GRAMD4: variants seen among roughly 807,000 people sequenced by gnomAD.
The protein encoded by GRAMD4 is GRAM domain-containing protein 4.
Under a neutral mutation model 83.9 loss-of-function variants are expected in GRAMD4, and 25 were observed. That is an observed-to-expected ratio of 0.30 (90% confidence interval 0.22 to 0.42). The LOEUF (loss-of-function observed/expected upper bound fraction) is 0.42. GRAMD4 is among the 10% of genes least tolerant of loss of function. The probability of loss-of-function intolerance (pLI) is 1.00; values close to 1 mark genes in which losing one functional copy is unlikely to be tolerated. For synonymous variants in GRAMD4, 336 were observed against 320.9 expected (o/e 1.05, Z -0.50); for missense variants, 593 against 788.7 (o/e 0.75, Z 2.97).
At chr22:46,627,559 GGGGGT>G in intron 2 of GRAMD4, among the ~76,000 whole-genome samples, 1 of 152,328 alleles carries the variant, frequency 6.6e-6, no homozygotes, top group Non-Finnish European at 1.5e-5. Flanking sequence ...GCATTTGGTG[GGGGGT>G]GGGGCAGGGC....
intron 1 of GRAMD4, among the ~76,000 whole-genome samples, chr22:46,626,118 G>A (rs2081654810): frequency 6.6e-6 from 1 of 152,244 alleles, no homozygotes; most frequent in African/African-American, 2.4e-5. Context: ...AGAGGGAGCA[G>A]TGTGGGCGGA....
At chr22:46,657,522 T>C (rs2082261743) in intron 3 of GRAMD4, among the ~76,000 whole-genome samples, 2 of 152,154 alleles carry the variant, frequency 1.3e-5, no homozygotes, top group African/African-American at 4.8e-5. Flanking sequence ...TCCTCAGTCT[T>C]CCAGTCTCTC....
At chr22:46,633,241 C>T (rs2081803544) in intron 2 of GRAMD4, among the ~76,000 whole-genome samples, 7 of 152,358 alleles carry the variant, frequency 4.6e-5, no homozygotes, top group African/African-American at 1.7e-4. Flanking sequence ...CGCCCGTGGG[C>T]CTTCCTCCCC....
At chr22:46,586,044 G>T (rs1048954830) in intron 1 of GRAMD4, among the ~76,000 whole-genome samples, 4 of 151,894 alleles carry the variant, frequency 2.6e-5, no homozygotes, top group Non-Finnish European at 5.9e-5. Flanking sequence ...TGACCCCCAC[G>T]TTTCCCCAAC....
chr22:46,665,229 G>A (rs981642285), intron 8 of GRAMD4, among the ~76,000 whole-genome samples: 5 of 152,224 alleles, frequency 3.3e-5, no homozygotes, highest in African/African-American at 1.2e-4. Context: ...TGGCATGAAG[G>A]TGGCCCCGGG....
At chr22:46,601,534 C>T (rs1348538955) in intron 1 of GRAMD4, among the ~76,000 whole-genome samples, 4 of 151,842 alleles carry the variant, frequency 2.6e-5, no homozygotes, top group Admixed American at 6.6e-5. Flanking sequence ...CAGTGGCTCA[C>T]GCCTGTAATC....
At position 46,659,546 on chromosome 22, in the gene GRAMD4, T is replaced by C. The variant is rs890211318; in HGVS notation, c.404+1239T>C. The stretch of plus-strand genomic sequence containing the variant: ...TGAGCGCTCCGGGGGCCGTGTGTCA[T>C]TGTCAGGACTCCAAGTGTCGCTGCT... On this transcript the variant is annotated intron_variant, in intron 4 of 18. Transcript: ENST00000406902. This position sits in a 1 kb window ranked among gnomAD's most constrained non-coding sequence, Gnocchi z 4.1. Among the ~76,000 whole-genome samples, 1 of 152,238 alleles carries C rather than the reference T, an allele frequency of 6.6e-6. No homozygotes were observed. The highest frequency in any genetic ancestry group is 2.4e-5 in the African/African-American group (1 of 41,462).
At chr22:46,641,265 G>A (rs539114503) in intron 3 of GRAMD4, among the ~76,000 whole-genome samples, 21 of 152,232 alleles carry the variant, frequency 1.4e-4, no homozygotes, top group Admixed American at 1.2e-3. Flanking sequence ...TAGAGATGGG[G>A]TTTCACCATG....
chr22:46,609,835 T>C (rs2081400369), intron 1 of GRAMD4, among the ~76,000 whole-genome samples: 1 of 152,198 alleles, frequency 6.6e-6, no homozygotes, highest in Non-Finnish European at 1.5e-5. Flanking sequence ...CACTGTGTTG[T>C]TGTTTGTCAC....
intron 1 of GRAMD4, among the ~76,000 whole-genome samples, chr22:46,607,908 T>C (rs2081380910): frequency 6.6e-6 from 1 of 152,016 alleles, no homozygotes; most frequent in African/African-American, 2.4e-5. Flanking sequence ...CCGCGACTGC[T>C]CCTCTGAGCA....
rs993367957 is a variant in GRAMD4 at position 46,658,070 on chromosome 22, G to A, written c.284-117G>A. ...GGAGGAAGGTCAGGTGCTCAGGTCCGCTTACGGAGCAGAGACCCCTCTGCT... is the reference window on the plus strand; with the variant it reads ...GGAGGAAGGTCAGGTGCTCAGGTCCACTTACGGAGCAGAGACCCCTCTGCT... On this transcript the variant is annotated intron_variant, in intron 3 of 18. Coordinates refer to ENST00000406902, the MANE Select transcript of GRAMD4 (RefSeq NM_015124.5). 1.3e-5 allele frequency: 17 copies of A among 1,286,842 alleles called. No individual in the cohort carries two copies. The African/African-American group carries it at 1.6e-4, about 12-fold the overall frequency. 79.7% of individuals were successfully genotyped at this position (1,286,842 alleles called of 1,614,324 possible).
intron 3 of GRAMD4, 25 bp downstream of exon 3, chr22:46,637,985 GGGA>G (rs1221948770): frequency 1.2e-6 from 2 of 1,610,804 alleles, no homozygotes; most frequent in Non-Finnish European, 1.7e-6. Flanking sequence ...GCGCTTGGAG[GGGA>G]TGGGACAAGG....
upstream of GRAMD4, among the ~76,000 whole-genome samples, chr22:46,619,521 T>A (rs897558326): frequency 2.6e-5 from 4 of 152,224 alleles, no homozygotes; most frequent in East Asian, 7.7e-4. Context: ...TATTTCACTT[T>A]CTGTGTCACT....
intron 1 of GRAMD4, among the ~76,000 whole-genome samples, chr22:46,624,963 C>T (rs896339415): frequency 1.3e-5 from 2 of 151,692 alleles, no homozygotes; most frequent in Non-Finnish European, 2.9e-5. Context: ...TGGGTTCATG[C>T]CATTCTCCTG....
Position 46,679,346 on chromosome 22 carries a change from G to GCCGAA in GRAMD4, c.*2096_*2100dup. 8.1e-6 allele frequency: 8 copies of GCCGAA among 984,144 alleles called. No homozygotes were observed. The highest frequency in any genetic ancestry group is 9.6e-6 in the Non-Finnish European group (8 of 829,912). The allele number at this position is 984,144 out of a possible 1,614,324, so 61.0% of individuals were successfully genotyped here. A position where few individuals can be genotyped will look rare whatever the true frequency, so the allele number is the denominator to read the frequency against. On this transcript the variant is annotated 3_prime_UTR_variant, in exon 19 of 19. Transcript: ENST00000406902. ...GAAAACTGACCACGTGCCAGGTGTG[G>GCCGAA]CCGAAGCCCCCAGGGAGGGCCACAT... is the stretch of plus-strand genomic sequence containing the variant.
intron 17 of GRAMD4, 108 bp from the exon 18 acceptor site, chr22:46,676,492 C>CAT: frequency 1.1e-6 from 1 of 936,788 alleles, no homozygotes; most frequent in Non-Finnish European, 1.7e-6. Context: ...TGCCCGTGGG[C>CAT]CCTGCTGCCT....
At position 46,600,339 on chromosome 22, in the gene GRAMD4, T is replaced by C. The variant is rs12628924; in HGVS notation, c.-50+23049T>C. ...TTAAGCAGAGGGGGGCTTTGCCAGCTTGGGGCCAGGGGCCTGCGGTATGGA... is the reference window on the plus strand; with the variant it reads ...TTAAGCAGAGGGGGGCTTTGCCAGCCTGGGGCCAGGGGCCTGCGGTATGGA... On this transcript the variant is annotated intron_variant, in intron 1 of 1. Transcript: ENST00000431155. 1.9e-3 allele frequency among the ~76,000 whole-genome samples: 295 copies of C among 152,310 alleles called. 6 individuals carry two copies. The East Asian group carries it at 0.047, about 24-fold the overall frequency.
rs569001493 is a variant in GRAMD4, at chr22:46,674,015, G to A, written c.1384+201G>A. ...TCTGCGGGCTACAGGGGAGGAGGGC[G>A]TGCCCGTGGGGAGAGCCGCCCACGC... On this transcript the variant is annotated intron_variant, in intron 15 of 18. Coordinates refer to ENST00000406902, the MANE Select transcript of GRAMD4 (RefSeq NM_015124.5). Among the ~76,000 whole-genome samples the A allele has an allele frequency of 9.8e-5, 15 of 152,320 alleles. No homozygotes were observed. The East Asian group carries it at 1.4e-3, about 14-fold the overall frequency.
upstream of GRAMD4, among the ~76,000 whole-genome samples, chr22:46,576,550 G>T (rs1325898183): frequency 6.6e-6 from 1 of 152,224 alleles, no homozygotes; most frequent in Non-Finnish European, 1.5e-5. Context: ...AGCACCCCGG[G>T]CACCTTGGGA....
Sources: gnomAD v4.1 joint callset for allele counts (sites outside exome capture counted in the v4.1 genomes callset) on GRCh38, gnomAD v4.1.1 for gene constraint, Gnocchi (gnomAD v3.1) non-coding constraint, MANE v1.5 for transcripts, NCBI Gene and HGNC (gene_info 2026-07-23, HGNC 2026-07-21) for gene names.